The following KCNQ5 variants were observed in gnomAD, a reference collection of about 807,000 sequenced individuals.
KCNQ5 encodes potassium voltage-gated channel subfamily Q member 5, also known as potassium voltage-gated channel subfamily KQT member 5.
A neutral mutation model predicts 98.2 loss-of-function variants in KCNQ5; 30 were observed. The ratio of observed to expected loss-of-function variants is 0.31; its 90% confidence interval spans 0.23 to 0.41. The LOEUF (loss-of-function observed/expected upper bound fraction) is 0.41, where lower values mean the gene tolerates loss of function less well. Among genes scored for constraint, KCNQ5 ranks in the 10% least tolerant of loss-of-function variants. KCNQ5 has a pLI of 1.00. For missense variants in KCNQ5, 835 were observed against 1,182.5 expected (o/e 0.71, Z 4.31); for synonymous variants, 458 against 449.4 (o/e 1.02, Z -0.24).
At chr6:72,870,328 G>A (rs1218529556) in intron 1 of KCNQ5, among the ~76,000 whole-genome samples, 4 of 152,060 alleles carry the variant, frequency 2.6e-5, no homozygotes, top group Admixed American at 2.0e-4. Context: ...AGGCTGGAGT[G>A]CAGTGGCATG....
intron 1 of KCNQ5, among the ~76,000 whole-genome samples, chr6:72,913,168 G>A (rs1480588571): frequency 1.3e-5 from 2 of 152,098 alleles, no homozygotes; most frequent in African/African-American, 2.4e-5. Context: ...ATAATAGCTT[G>A]AAATTTTAGG....
At chr6:72,921,998 G>A (rs1375979103) in intron 1 of KCNQ5, among the ~76,000 whole-genome samples, 1 of 152,124 alleles carries the variant, frequency 6.6e-6, no homozygotes, top group South Asian at 2.1e-4. Context: ...AAAGGTTGTG[G>A]GTGGGAGAGA....
At chr6:73,096,479 G>T (rs925175588) in intron 5 of KCNQ5, among the ~76,000 whole-genome samples, 2 of 152,044 alleles carry the variant, frequency 1.3e-5, no homozygotes, top group African/African-American at 4.8e-5. Flanking sequence ...GGCCATGGAG[G>T]AGCTGGGACT....
At chr6:72,905,227 GA>G (rs1240291591) in intron 1 of KCNQ5, among the ~76,000 whole-genome samples, 3 of 152,126 alleles carry the variant, frequency 2.0e-5, no homozygotes, top group Middle Eastern at 3.4e-3. Context: ...CGGAAGTTTT[GA>G]TTTTTTTTAT....
chr6:73,106,249 G>A (rs1283343525), intron 6 of KCNQ5, among the ~76,000 whole-genome samples: 3 of 152,126 alleles, frequency 2.0e-5, no homozygotes, highest in Admixed American at 1.3e-4. Flanking sequence ...TGTCCCACCA[G>A]TGCCCAACTT....
chr6:73,124,674 G>A (rs993831515), intron 9 of KCNQ5, 162 bp downstream of exon 9: 30 of 684,166 alleles, frequency 4.4e-5, no homozygotes, highest in African/African-American at 1.4e-4. Flanking sequence ...TTGATATTTC[G>A]CCCCTTAGTA....
chr6:73,015,465 A>G (rs1770288135), intron 2 of KCNQ5, among the ~76,000 whole-genome samples: 1 of 152,146 alleles, frequency 6.6e-6, no homozygotes, highest in African/African-American at 2.4e-5. Context: ...GCTAAAGATA[A>G]TGATTGTGCC....
intron 1 of KCNQ5, among the ~76,000 whole-genome samples, chr6:72,824,035 AT>A (rs1423953012): frequency 6.6e-6 from 1 of 152,134 alleles, no homozygotes; most frequent in Non-Finnish European, 1.5e-5. Context: ...AATAAGTACC[AT>A]TTTATATGTT....
At chr6:72,785,387 A>G (rs2154478010) in intron 1 of KCNQ5, among the ~76,000 whole-genome samples, 1 of 152,096 alleles carries the variant, frequency 6.6e-6, no homozygotes, top group South Asian at 2.1e-4. Context: ...AGTGGCTCAT[A>G]CCTGTAATCC....
intron 1 of KCNQ5, among the ~76,000 whole-genome samples, chr6:72,877,202 T>C (rs1394909244): frequency 6.6e-6 from 1 of 152,178 alleles, no homozygotes; most frequent in Non-Finnish European, 1.5e-5. Context: ...GTCCTAATGC[T>C]ATCCCTCTCC....
In KCNQ5 at chr6:72,622,611, TGCCCGCTGCAGGGGACCACTGTCCCTG is replaced by T; in HGVS notation, c.398+29_398+55del. On this transcript the variant is annotated intron_variant, in intron 1 of 13. Transcript: ENST00000370398. This position sits in a 1 kb window ranked among gnomAD's most constrained non-coding sequence, Gnocchi z 6.0. ...GTGTGAGTACCCGCGCCCCCTGCTA[TGCCCGCTGCAGGGGACCACTGTCCCTG>T]GCCCCCTGGGGCGTGCTCCGCGCTC... 6.2e-7 allele frequency: 1 copy of T among 1,610,576 alleles called. No homozygotes were observed. The highest frequency in any genetic ancestry group is 8.5e-7 in the Non-Finnish European group (1 of 1,178,596).
Position 72,760,447 on chromosome 6 carries a change from CGTGTGTGT to C in KCNQ5, c.398+137886_398+137893del, listed in dbSNP as rs10607088. Among the ~76,000 whole-genome samples, 229 of 148,120 alleles carry C rather than the reference CGTGTGTGT, an allele frequency of 1.5e-3. 1 individual carries two copies. The highest frequency in any genetic ancestry group is 0.01 in the Middle Eastern group (3 of 286). On this transcript the variant is annotated intron_variant, in intron 1 of 13. Transcript: ENST00000370398. ...AATAGAATTGTTTTTTTCAGGAGTACGTGTGTGTGTGTGTGTGTGTGTGTGTGTGTGTG... is the reference window on the plus strand; with the variant it reads ...AATAGAATTGTTTTTTTCAGGAGTACGTGTGTGTGTGTGTGTGTGTGTGTG...
chr6:72,807,553 A>T (rs1045215411), intron 1 of KCNQ5, among the ~76,000 whole-genome samples: 3 of 152,132 alleles, frequency 2.0e-5, no homozygotes, highest in Non-Finnish European at 2.9e-5. Flanking sequence ...TCCATCACCC[A>T]GGCTGGAGTG....
intron 1 of KCNQ5, among the ~76,000 whole-genome samples, chr6:72,885,215 T>G (rs1778804536): frequency 6.6e-6 from 1 of 152,210 alleles, no homozygotes; most frequent in East Asian, 1.9e-4. Flanking sequence ...TTTGACTACC[T>G]TTATATATAC....
chr6:72,704,207 G>A (rs1692095007), intron 1 of KCNQ5, among the ~76,000 whole-genome samples: 1 of 152,046 alleles, frequency 6.6e-6, no homozygotes, highest in South Asian at 2.1e-4. Context: ...TTTTATGTGT[G>A]TAATTATAAA....
chr6:72,914,843 A>G (rs756583302), intron 1 of KCNQ5, among the ~76,000 whole-genome samples: 1 of 151,868 alleles, frequency 6.6e-6, no homozygotes, highest in Admixed American at 6.6e-5. Context: ...GCAGTAATGT[A>G]TTATACCTGG....
intron 1 of KCNQ5, among the ~76,000 whole-genome samples, chr6:72,909,225 T>C (rs1195063728): frequency 6.6e-6 from 1 of 152,038 alleles, no homozygotes; most frequent in Non-Finnish European, 1.5e-5. Context: ...CTGTGAGAAA[T>C]AGACAAAAAC....
At chr6:72,687,897 G>A (rs1768036339) in intron 1 of KCNQ5, among the ~76,000 whole-genome samples, 2 of 148,896 alleles carry the variant, frequency 1.3e-5, no homozygotes, top group African/African-American at 5.0e-5. Context: ...GGAGTGCAGT[G>A]GCGTGATGTC....
intron 1 of KCNQ5, among the ~76,000 whole-genome samples, chr6:72,836,765 C>T (rs776875656): frequency 1.3e-5 from 2 of 152,200 alleles, no homozygotes; most frequent in Non-Finnish European, 2.9e-5. Flanking sequence ...TCTGGGATCA[C>T]TGTCTATACA....
Sources: gnomAD v4.1 joint callset for allele counts (sites outside exome capture counted in the v4.1 genomes callset) on GRCh38, gnomAD v4.1.1 for gene constraint, Gnocchi (gnomAD v3.1) non-coding constraint, MANE v1.5 for transcripts, NCBI Gene and HGNC (gene_info 2026-07-23, HGNC 2026-07-21) for gene names.